Variants in DAB1 observed in about 807,000 individuals in gnomAD.
The protein encoded by DAB1 is disabled homolog 1.
In DAB1, 15 loss-of-function variants were observed where a neutral mutation model predicts 64.6. The ratio of observed to expected loss-of-function variants is 0.23; its 90% confidence interval spans 0.16 to 0.36. DAB1 has a LOEUF of 0.36. Ranked by LOEUF, DAB1 falls within the 10% of genes least tolerant of loss-of-function variation. The probability of loss-of-function intolerance (pLI) is 1.00; values close to 1 mark genes in which losing one functional copy is unlikely to be tolerated. For synonymous variants in DAB1, 235 were observed against 251.9 expected (o/e 0.93, Z 0.64); for missense variants, 596 against 706.7 (o/e 0.84, Z 1.78).
downstream of DAB1, among the ~76,000 whole-genome samples, chr1:57,823,168 A>C (rs771058679): frequency 6.6e-6 from 1 of 152,106 alleles, no homozygotes; most frequent in South Asian, 2.1e-4. Context: ...TATTTTTAGT[A>C]GAGATGGGGT....
intron 7 of DAB1, among the ~76,000 whole-genome samples, chr1:57,474,175 C>T (rs999233935): frequency 2.6e-5 from 4 of 152,128 alleles, no homozygotes; most frequent in African/African-American, 9.7e-5. Context: ...ATTCAAATAG[C>T]TGGAGAACTT....
chr1:58,276,373 TTC>T (rs1355941090), intron 4 of DAB1, among the ~76,000 whole-genome samples: 8 of 152,234 alleles, frequency 5.3e-5, no homozygotes, highest in Non-Finnish European at 8.8e-5. Context: ...TGGCCTCTTT[TTC>T]TCTCTGTTCC....
intron 9 of DAB1, among the ~76,000 whole-genome samples, chr1:57,042,229 T>G (rs981301499): frequency 6.6e-6 from 1 of 152,200 alleles, no homozygotes; most frequent in South Asian, 2.1e-4. Flanking sequence ...CCAGAGGATA[T>G]CTGAAAGAGC....
intron 7 of DAB1, among the ~76,000 whole-genome samples, chr1:57,443,799 C>T (rs560633830): frequency 6.6e-6 from 1 of 152,288 alleles, no homozygotes; most frequent in African/African-American, 2.4e-5. Context: ...TGCCATGAAC[C>T]TGGACCAAGC....
rs79960374 is a variant in DAB1, at chr1:58,236,955, T to C, written n.310-86367A>G. On this transcript the variant is annotated intron_variant and non_coding_transcript_variant, in intron 4 of 20. Coordinates refer to the DAB1 transcript ENST00000485760. ...TAAACAACATTCTCAAGATCATACA[T>C]CAAATTGGGACTAGGTCCTTGGTCC... 2.5e-3 allele frequency among the ~76,000 whole-genome samples: 380 copies of C among 152,276 alleles called. 2 individuals are homozygous for C. The highest frequency in any genetic ancestry group is 8.5e-3 in the African/African-American group (355 of 41,546).
At chr1:57,873,749 A>G (rs1643993951) in intron 1 of DAB1, among the ~76,000 whole-genome samples, 1 of 152,210 alleles carries the variant, frequency 6.6e-6, no homozygotes, top group African/African-American at 2.4e-5. Flanking sequence ...CATGGGGACA[A>G]TAAGAGTATT....
intron 3 of DAB1, among the ~76,000 whole-genome samples, chr1:58,390,116 G>A (rs1644464125): frequency 1.3e-5 from 2 of 152,132 alleles, no homozygotes; most frequent in Non-Finnish European, 2.9e-5. Context: ...GGGGAAGGGA[G>A]AGCTGAGCTG....
At chr1:57,092,930 G>A (rs553624061) in intron 4 of DAB1, among the ~76,000 whole-genome samples, 1 of 152,110 alleles carries the variant, frequency 6.6e-6, no homozygotes, top group African/African-American at 2.4e-5. Context: ...GGCAAAAAAT[G>A]TAGTCCATTT....
chr1:58,126,363 T>A (rs1394805062), intron 5 of DAB1, among the ~76,000 whole-genome samples: 1 of 152,120 alleles, frequency 6.6e-6, no homozygotes, highest in Non-Finnish European at 1.5e-5. Flanking sequence ...GAGGCTCAGC[T>A]TGAACCCATG....
chr1:57,895,262 C>T (rs1644376140), intron 5 of DAB1, among the ~76,000 whole-genome samples: 1 of 152,104 alleles, frequency 6.6e-6, no homozygotes, highest in Admixed American at 6.6e-5. Context: ...TAATTTAATC[C>T]CCAGGTCAGA....
intron 2 of DAB1, among the ~76,000 whole-genome samples, chr1:57,184,606 C>T (rs536728357): frequency 9.9e-5 from 15 of 152,226 alleles, no homozygotes; most frequent in Non-Finnish European, 1.3e-4. Flanking sequence ...TACACGGTGA[C>T]GACATTTCCA....
intron 5 of DAB1, among the ~76,000 whole-genome samples, chr1:57,967,605 G>A (rs905410690): frequency 2.6e-5 from 4 of 152,216 alleles, no homozygotes; most frequent in African/African-American, 4.8e-5. Flanking sequence ...AGACAGAGCA[G>A]TGTGGTTAAG....
At chr1:57,827,756 T>C (rs940890623) in intron 1 of DAB1, among the ~76,000 whole-genome samples, 1 of 152,168 alleles carries the variant, frequency 6.6e-6, no homozygotes, top group African/African-American at 2.4e-5. Context: ...GTACTCCCTT[T>C]GGCCTGCCTA....
chr1:57,178,020 G>A (rs756551908), intron 2 of DAB1, among the ~76,000 whole-genome samples: 2 of 151,958 alleles, frequency 1.3e-5, no homozygotes, highest in African/African-American at 4.8e-5. Flanking sequence ...TGTAAAATGG[G>A]GCTATGACTA....
At chr1:57,898,273 A>G (rs780456323) in intron 5 of DAB1, among the ~76,000 whole-genome samples, 6 of 152,130 alleles carry the variant, frequency 3.9e-5, no homozygotes, top group Non-Finnish European at 8.8e-5. Context: ...GCTGACTGGG[A>G]CTTTGACCTA....
intron 4 of DAB1, among the ~76,000 whole-genome samples, chr1:57,092,365 T>A (rs1208769351): frequency 6.6e-6 from 1 of 151,954 alleles, no homozygotes; most frequent in African/African-American, 2.4e-5. Flanking sequence ...TCCCCATGTG[T>A]TGAGGGAGGG....
chr1:58,276,998 G>T (rs1222033965), intron 4 of DAB1, among the ~76,000 whole-genome samples: 1 of 149,760 alleles, frequency 6.7e-6, no homozygotes, highest in Non-Finnish European at 1.5e-5. Context: ...CTAACTGCTG[G>T]TTGAATAAAA....
intron 6 of DAB1, among the ~76,000 whole-genome samples, chr1:57,685,859 T>G (rs1349719100): frequency 1.3e-5 from 2 of 152,138 alleles, no homozygotes; most frequent in East Asian, 3.9e-4. Context: ...TGTTTGAAAT[T>G]TATGAAGATA....
rs71051263 is a variant in DAB1 at position 57,949,459 on chromosome 1, TTATCTATCTATCTATCTATCTATC to T, written n.388-65321_388-65298del. 7.0e-4 allele frequency among the ~76,000 whole-genome samples: 102 copies of T among 146,364 alleles called. 1 individual carries two copies. The highest frequency in any genetic ancestry group is 1.1e-3 in the Non-Finnish European group (71 of 66,702). On this transcript the variant is annotated intron_variant and non_coding_transcript_variant, in intron 5 of 20. Transcript: ENST00000485760. ...GGAGATGCCTGTGTTAAGCAATTCT[TTATCTATCTATCTATCTATCTATC>T]TATCTATCTATCTATCTATCTATCT... is the stretch of plus-strand genomic sequence containing the variant.
Sources: gnomAD v4.1 joint callset for allele counts (sites outside exome capture counted in the v4.1 genomes callset) on GRCh38, gnomAD v4.1.1 for gene constraint, MANE v1.5 for transcripts, NCBI Gene and HGNC (gene_info 2026-07-23, HGNC 2026-07-21) for gene names.